STXBP5: variants seen among roughly 807,000 people sequenced by gnomAD.
STXBP5 encodes the protein syntaxin binding protein 5.
STXBP5 carries 50 observed loss-of-function variants against 152.4 expected under a neutral mutation model. That is an observed-to-expected ratio of 0.33 (90% CI 0.26 to 0.42). STXBP5 has a LOEUF of 0.42. Among genes scored for constraint, STXBP5 ranks in the 10% least tolerant of loss-of-function variants. The probability of loss-of-function intolerance (pLI) is 1.00; values close to 1 mark genes in which losing one functional copy is unlikely to be tolerated. For synonymous variants in STXBP5, 492 were observed against 494.7 expected (o/e 0.99, Z 0.07); for missense variants, 1,167 against 1,388.6 (o/e 0.84, Z 2.54).
intron 9 of STXBP5, among the ~76,000 whole-genome samples, chr6:147,308,072 T>C (rs147977073): frequency 2.0e-5 from 3 of 152,356 alleles, no homozygotes; most frequent in African/African-American, 4.8e-5. Flanking sequence ...ATATTACATA[T>C]AGAATACCTG....
At chr6:147,320,570 TG>T (rs1782878692) in intron 16 of STXBP5, among the ~76,000 whole-genome samples, 1 of 118,556 alleles carries the variant, frequency 8.4e-6, no homozygotes, top group African/African-American at 4.1e-5. Context: ...TGTGTGTGTG[TG>T]TGTGTGTGTG....
At chr6:147,256,396 A>C (rs1011467620) in intron 4 of STXBP5, among the ~76,000 whole-genome samples, 3 of 152,186 alleles carry the variant, frequency 2.0e-5, no homozygotes, top group Non-Finnish European at 4.4e-5. Flanking sequence ...TGCAGTATAG[A>C]AGGGCATATA....
At chr6:147,223,025 TC>T (rs1777536310) in intron 2 of STXBP5, among the ~76,000 whole-genome samples, 1 of 152,252 alleles carries the variant, frequency 6.6e-6, no homozygotes, top group Non-Finnish European at 1.5e-5. Flanking sequence ...CAGTGGTTTT[TC>T]TTGTGTCTCA....
chr6:147,205,374 A>G (rs866575758), intron 1 of STXBP5, among the ~76,000 whole-genome samples: 3,052 of 50,472 alleles, frequency 0.06, 45 homozygotes, highest in Non-Finnish European at 0.082. Flanking sequence ...AAGTGTGCAT[A>G]TATATATATA....
intron 7 of STXBP5, among the ~76,000 whole-genome samples, chr6:147,277,653 C>T (rs768573251): frequency 6.6e-6 from 1 of 152,066 alleles, no homozygotes; most frequent in Non-Finnish European, 1.5e-5. Context: ...AATTCCAAAT[C>T]TACATTTTGG....
At chr6:147,244,188 A>G (rs976336233) in intron 4 of STXBP5, among the ~76,000 whole-genome samples, 4 of 152,222 alleles carry the variant, frequency 2.6e-5, no homozygotes, top group African/African-American at 9.6e-5. Flanking sequence ...GCTATATGCA[A>G]ATACGATACA....
chr6:147,376,354 A>C (rs1413525994), intron 26 of STXBP5, among the ~76,000 whole-genome samples: 1 of 152,242 alleles, frequency 6.6e-6, no homozygotes, highest in African/African-American at 2.4e-5. Context: ...TGAATAGCAG[A>C]TAAATCACAG....
At chr6:147,357,394 A>G (rs767524488) in intron 22 of STXBP5, among the ~76,000 whole-genome samples, 4 of 152,142 alleles carry the variant, frequency 2.6e-5, no homozygotes, top group Admixed American at 6.6e-5. Context: ...CTCACAATGA[A>G]CTGAAATAGG....
Position 147,341,672 on chromosome 6 carries a change from T to G in STXBP5, c.2254+2288T>G, listed in dbSNP as rs1030020662. ...TGCTGCTGGTGTCAGTTTGTGTGTG[T>G]GGGTGTGTGTGGGTGTGTTGTGGGT... On this transcript the variant is annotated intron_variant, in intron 21 of 27. Transcript: ENST00000321680. 7.9e-5 allele frequency among the ~76,000 whole-genome samples: 12 copies of G among 152,076 alleles called. 1 individual carries two copies. In the East Asian group the frequency reaches 1.9e-3, roughly 24 times the overall value.
chr6:147,290,483 A>G (rs944611942), intron 8 of STXBP5, among the ~76,000 whole-genome samples: 4 of 152,088 alleles, frequency 2.6e-5, no homozygotes, highest in Non-Finnish European at 4.4e-5. Flanking sequence ...TATTTTCTTT[A>G]TTTTTTACTT....
At chr6:147,308,007 C>T (rs1782179133) in intron 9 of STXBP5, among the ~76,000 whole-genome samples, 1 of 152,072 alleles carries the variant, frequency 6.6e-6, no homozygotes, top group Non-Finnish European at 1.5e-5. Flanking sequence ...GCATTAATAA[C>T]ACAGTTTAAA....
intron 2 of STXBP5, among the ~76,000 whole-genome samples, chr6:147,228,275 C>A (rs1466433364): frequency 1.3e-5 from 2 of 152,056 alleles, no homozygotes; most frequent in African/African-American, 4.8e-5. Context: ...AGTCTTTGTT[C>A]TATAATTAGA....
chr6:147,251,649 A>G (rs1779102978), intron 4 of STXBP5, among the ~76,000 whole-genome samples: 1 of 152,220 alleles, frequency 6.6e-6, no homozygotes, highest in South Asian at 2.1e-4. Context: ...AGAAAGGGGC[A>G]GCTGTGGGCG....
intron 4 of STXBP5, among the ~76,000 whole-genome samples, chr6:147,249,607 C>G (rs1329830233): frequency 6.6e-6 from 1 of 152,088 alleles, no homozygotes; most frequent in Non-Finnish European, 1.5e-5. Flanking sequence ...CTTCTTGCTG[C>G]TTTATAATAA....
intron 8 of STXBP5, among the ~76,000 whole-genome samples, chr6:147,282,840 T>C (rs1780765410): frequency 6.6e-6 from 1 of 152,178 alleles, no homozygotes; most frequent in African/African-American, 2.4e-5. Flanking sequence ...TTTTCTGTGA[T>C]TGTCAGCTTT....
intron 16 of STXBP5, among the ~76,000 whole-genome samples, chr6:147,322,868 A>G (rs1783008121): frequency 6.6e-6 from 1 of 152,044 alleles, no homozygotes; most frequent in African/African-American, 2.4e-5. Flanking sequence ...AAGGTCTCAC[A>G]CTCTTTTAAA....
chr6:147,288,120 G>T (rs1285754891), intron 8 of STXBP5, among the ~76,000 whole-genome samples: 2 of 152,008 alleles, frequency 1.3e-5, no homozygotes, highest in African/African-American at 4.8e-5. Flanking sequence ...AGTTCCATTT[G>T]CCTCAACTGA....
chr6:147,352,141 A>T (rs180979739), intron 21 of STXBP5, among the ~76,000 whole-genome samples: 1 of 152,336 alleles, frequency 6.6e-6, no homozygotes, highest in East Asian at 1.9e-4. Context: ...TTTTTCCAAG[A>T]TTACAGAAAA....
chr6:147,317,956 G>A (rs778698570), intron 16 of STXBP5, among the ~76,000 whole-genome samples: 5 of 151,980 alleles, frequency 3.3e-5, no homozygotes, highest in Admixed American at 6.6e-5. Context: ...TTTTTGTAAC[G>A]TATTTCTATA....
Sources: allele counts gnomAD v4.1 joint callset (sites outside exome capture counted in the v4.1 genomes callset), GRCh38; gene constraint gnomAD v4.1.1; transcripts MANE v1.5; gene names NCBI Gene and HGNC (gene_info 2026-07-23, HGNC 2026-07-21).